Variants in CSF2RB observed in about 807,000 individuals in gnomAD.
CSF2RB encodes the protein cytokine receptor common subunit beta.
A neutral mutation model predicts 67.2 loss-of-function variants in CSF2RB; 22 were observed. The ratio of observed to expected loss-of-function variants is 0.33; its 90% CI spans 0.23 to 0.47. The LOEUF (loss-of-function observed/expected upper bound fraction) is 0.47. Among genes scored for constraint, CSF2RB ranks in the 20% least tolerant of loss-of-function variants. The probability of loss-of-function intolerance (pLI) is 1.00; values close to 1 mark genes in which losing one functional copy is unlikely to be tolerated. For missense variants in CSF2RB, 1,113 were observed against 1,174.5 expected, an observed-to-expected ratio of 0.95 and a Z score of 0.76; for synonymous variants, 507 against 482.9, an observed-to-expected ratio of 1.05 and a Z score of -0.65.
Position 36,937,946 on chromosome 22 carries a change from C to T in CSF2RB, c.2138C>T (p.Ser713Phe). ...CCTGGAGTGGCCTCTGGTTATGTCT[C>T]CTCTGCAGACCTGGTATTCACCCCA... ...EDPGVASGYV[S>F]SADLVFTPNS... The change falls in exon 14 of 14, where the codon TCC (serine) becomes TTC (phenylalanine). Residue 713 changes from serine (S) to phenylalanine (F), a missense_variant. This residue lies in a region of CSF2RB where 554 missense variants were observed against 517.9 expected (regional missense o/e 1.07). Coordinates refer to ENST00000403662, the MANE Select transcript of CSF2RB (RefSeq NM_000395.3). The surrounding 1 kb of genome is among the most constrained non-coding windows in gnomAD (Gnocchi z 4.6). 1 of 1,614,168 alleles carries T rather than the reference C, an allele frequency of 6.2e-7. No individual in the cohort carries two copies. Among genetic ancestry groups the T allele is most frequent in the South Asian group, 1.1e-5 (1 of 91,088 alleles).
At chr22:36,922,825 G>C (rs763277126) in intron 2 of CSF2RB, 1 of 302,582 alleles carries the variant, frequency 3.3e-6, no homozygotes, top group Non-Finnish European at 6.4e-6. Context: ...TCCTGAGGAC[G>C]GGGACTAGAG....
intron 8 of CSF2RB, among the ~76,000 whole-genome samples, chr22:36,931,351 A>G (rs1941144479): frequency 6.6e-6 from 1 of 152,334 alleles, no homozygotes; most frequent in South Asian, 2.1e-4. Context: ...CATGATGACC[A>G]AGTTCTTCCA....
At chr22:36,923,426 CATGGGGCG>C (rs1940929859) in intron 3 of CSF2RB, 59 bp downstream of exon 3, 2 of 1,587,480 alleles carry the variant, frequency 1.3e-6, no homozygotes, top group African/African-American at 1.3e-5. Flanking sequence ...CTGTGCCTGG[CATGGGGCG>C]ACAGTGTAGA....
In CSF2RB at chr22:36,926,095, T is replaced by C. The variant is rs1941010256; in HGVS notation, c.309T>C (p.Phe103=). 6.2e-7 allele frequency: 1 copy of C among 1,614,130 alleles called. No homozygotes were observed. Among genetic ancestry groups the C allele is most frequent in the South Asian group, 1.1e-5 (1 of 91,094 alleles). ...PRRCVIPCQS[F]VVTDVDYFSF... ...GATGTGTCATTCCCTGCCAGAGTTT[T>C]GTCGTCACTGACGTTGACTACTTCT... The change falls in exon 4 of 14, where the codon TTT becomes TTC. Residue 103 remains phenylalanine (F), a synonymous_variant. Transcript: ENST00000403662.
Position 36,933,987 on chromosome 22 carries a change from C to T in CSF2RB, c.1308C>T (p.Thr436=), listed in dbSNP as rs756568774. The T allele has an allele frequency of 4.5e-5, 73 of 1,612,222 alleles. 1 individual carries two copies. The Admixed American group carries it at 9.2e-4, about 20-fold the overall frequency. Residue 436 remains threonine (T), a synonymous_variant, in exon 10 of 14, where the codon ACC becomes ACT. Transcript: ENST00000403662. ...GGAGTGAGGCGCGCTCCTGGGACAC[C>T]GAGTCGGGTAGGTGAAGGCTGGAGT... ...SEWSEARSWD[T]ESVLPMWVLA...
Position 36,933,945 on chromosome 22 carries a change from C to T in CSF2RB, c.1266C>T (p.Asn422=), listed in dbSNP as rs376869938. The change falls in exon 10 of 14, where the codon AAC becomes AAT. Residue 422 remains asparagine, a synonymous_variant. Transcript: ENST00000403662. The stretch of plus-strand genomic sequence containing the variant: ...TCAGGACCTCCCGCACCGGCTACAA[C>T]GGGATCTGGAGCGAGTGGAGTGAGG... The part of the protein sequence containing the change: ...VRVRTSRTGY[N]GIWSEWSEAR... 2.7e-5 allele frequency: 43 copies of T among 1,612,808 alleles called. No individual in the cohort carries two copies. Among genetic ancestry groups the T allele is most frequent in the African/African-American group, 4.0e-5 (3 of 74,992 alleles).
At chr22:36,926,515 G>T (rs528173745) in intron 4 of CSF2RB, among the ~76,000 whole-genome samples, 1 of 152,232 alleles carries the variant, frequency 6.6e-6, no homozygotes, top group African/African-American at 2.4e-5. Flanking sequence ...CATCTCTGAA[G>T]CAACCCATTT....
intron 1 of CSF2RB, among the ~76,000 whole-genome samples, chr22:36,919,956 A>C (rs1940815817): frequency 6.6e-6 from 1 of 152,188 alleles, no homozygotes; most frequent in African/African-American, 2.4e-5. Flanking sequence ...CTGAATCACT[A>C]TTGGCATAGA....
At chr22:36,929,267 G>T in intron 4 of CSF2RB, 135 bp from the exon 5 acceptor site, 4 of 1,132,088 alleles carry the variant, frequency 3.5e-6, no homozygotes, top group Non-Finnish European at 3.9e-6. Flanking sequence ...GAGGAGACGG[G>T]TCTTGCTCAA....
In CSF2RB at chr22:36,938,572, C is replaced by A; in HGVS notation, c.*70C>A. The A allele has an allele frequency of 1.3e-6, 2 of 1,508,066 alleles. No individual in the cohort carries two copies. The highest frequency in any genetic ancestry group is 2.6e-5 in the South Asian group (2 of 77,114). The allele number at this position is 1,508,066 out of a possible 1,614,324, so 93.4% of individuals were successfully genotyped here. A position where few individuals can be genotyped will look rare whatever the true frequency, so the allele number is the denominator to read the frequency against. ...TCCCTCCCGCCTGACCTTCCTCAGTCATTTCTGCAAAGCCAAGGGGCAGCC... is the reference window on the plus strand; with the variant it reads ...TCCCTCCCGCCTGACCTTCCTCAGTAATTTCTGCAAAGCCAAGGGGCAGCC... On this transcript the variant is annotated 3_prime_UTR_variant, in exon 14 of 14. Transcript: ENST00000403662.
chr22:36,922,752 G>T lies in CSF2RB; in HGVS notation c.76+469G>T, dbSNP rs376229857. The T allele has an allele frequency of 4.6e-5, 13 of 282,122 alleles. No individual in the cohort carries two copies. The East Asian group carries it at 8.1e-4, about 18-fold the overall frequency. 17.5% of individuals were successfully genotyped at this position (282,122 alleles called of 1,614,324 possible). A position where few individuals can be genotyped will look rare whatever the true frequency, so the allele number is the denominator to read the frequency against. ...TGAGGTGAAATGGCCCCTCCCAAGG[G>T]CTCCCAGAGACCTGGCTTCTGTGAT... is the stretch of plus-strand genomic sequence containing the variant. On this transcript the variant is annotated intron_variant, in intron 2 of 13. Coordinates refer to ENST00000403662, the MANE Select transcript of CSF2RB (RefSeq NM_000395.3).
intron 3 of CSF2RB, 35 bp downstream of exon 3, chr22:36,923,402 G>T (rs1279956777): frequency 6.2e-7 from 1 of 1,607,246 alleles, no homozygotes; most frequent in Non-Finnish European, 8.5e-7. Context: ...CACGGGCAGG[G>T]GCTACGACGT....
chr22:36,921,323 G>GCC (rs1169023813), intron 1 of CSF2RB, among the ~76,000 whole-genome samples: 7 of 151,454 alleles, frequency 4.6e-5, no homozygotes, highest in Non-Finnish European at 7.4e-5. Context: ...GTCTGTGTCT[G>GCC]CCTCTGTGTG....
At chr22:36,928,020 C>T (rs570545262) in intron 4 of CSF2RB, among the ~76,000 whole-genome samples, 30 of 152,300 alleles carry the variant, frequency 2.0e-4, no homozygotes, top group Non-Finnish European at 3.2e-4. Context: ...GTTTCTAAGG[C>T]GATGGAGACA....
In CSF2RB at chr22:36,933,972, G is replaced by T; in HGVS notation, c.1293G>T (p.Ala431=). 1 of 1,612,750 alleles carries T rather than the reference G, an allele frequency of 6.2e-7. No individual in the cohort carries two copies. Among genetic ancestry groups the T allele is most frequent in the Non-Finnish European group, 8.5e-7 (1 of 1,179,986 alleles). ...GGATCTGGAGCGAGTGGAGTGAGGC[G>T]CGCTCCTGGGACACCGAGTCGGGTA... is the stretch of plus-strand genomic sequence containing the variant. The part of the protein sequence containing the change: ...YNGIWSEWSE[A]RSWDTESVLP... The change falls in exon 10 of 14, where the codon GCG becomes GCT. Residue 431 remains alanine, a synonymous_variant. Transcript: ENST00000403662.
chr22:36,926,618 G>C (rs80113306), intron 4 of CSF2RB, among the ~76,000 whole-genome samples: 2 of 152,154 alleles, frequency 1.3e-5, no homozygotes, highest in Non-Finnish European at 2.9e-5. Context: ...CAGCCTTCCC[G>C]GGGGCTTCCT....
chr22:36,930,307 G>T, intron 6 of CSF2RB, 68 bp from the exon 7 acceptor site: 1 of 1,606,876 alleles, frequency 6.2e-7, no homozygotes, highest in Admixed American at 1.7e-5. Context: ...GAATCACACG[G>T]TGGGCACCCA....
intron 1 of CSF2RB, among the ~76,000 whole-genome samples, chr22:36,916,447 T>C (rs1331675599): frequency 6.6e-6 from 1 of 152,252 alleles, no homozygotes; most frequent in Non-Finnish European, 1.5e-5. Context: ...TAGGCTTCTA[T>C]ACATACTTCG....
intron 10 of CSF2RB, 148 bp downstream of exon 10, chr22:36,934,142 G>T: frequency 8.6e-7 from 1 of 1,162,822 alleles, no homozygotes; most frequent in Non-Finnish European, 1.2e-6. Context: ...CAAAGAGAAA[G>T]GGAAGGCCTT....
Sources: allele counts gnomAD v4.1 joint callset (sites outside exome capture counted in the v4.1 genomes callset), GRCh38; gene constraint gnomAD v4.1.1; regional missense constraint gnomAD v4.1.1; non-coding constraint Gnocchi (gnomAD v3.1); transcripts MANE v1.5; gene names NCBI Gene and HGNC (gene_info 2026-07-23, HGNC 2026-07-21).